The following KIAA1671 variants were observed in gnomAD, a reference collection of about 807,000 sequenced individuals.
The protein encoded by KIAA1671 is KIAA1671, also known as uncharacterized protein KIAA1671.
A neutral mutation model predicts 131.2 loss-of-function variants in KIAA1671; 52 were observed. That is an observed-to-expected ratio of 0.40 (90% CI 0.32 to 0.50). The LOEUF (loss-of-function observed/expected upper bound fraction) is 0.50. Ranked by LOEUF, KIAA1671 falls within the 20% of genes least tolerant of loss-of-function variation. KIAA1671 has a pLI of 0.73. For synonymous variants in KIAA1671, 1,003 were observed against 961.6 expected (o/e 1.04, Z -0.80); for missense variants, 2,360 against 2,364.2 (o/e 1.00, Z 0.04).
At chr22:25,041,942 C>T (rs2145808802) in intron 5 of KIAA1671, among the ~76,000 whole-genome samples, 1 of 152,076 alleles carries the variant, frequency 6.6e-6, no homozygotes, top group South Asian at 2.1e-4. Flanking sequence ...CAGGGTTTTG[C>T]CATGTTGCCC....
chr22:25,003,027 C>A lies in KIAA1671; in HGVS notation c.-207-22606C>A, dbSNP rs1924558091. On this transcript the variant is annotated intron_variant, in intron 1 of 12. Transcript: ENST00000358431. ...GCTCAAAGTGATCCATCCGCCTCGG[C>A]CTCCCAAAGTGCTGGGATTACAGGC... Among the ~76,000 whole-genome samples the A allele has an allele frequency of 2.0e-5, 3 of 152,186 alleles. No individual in the cohort carries two copies. In the South Asian group the frequency reaches 6.2e-4, roughly 32 times the overall value.
intron 6 of KIAA1671, among the ~76,000 whole-genome samples, chr22:25,130,257 A>G (rs2330985): frequency 0.68 from 103,541 of 152,054 alleles, 35,486 homozygotes; most frequent in South Asian, 0.73. Flanking sequence ...AAATGCACAT[A>G]CCCGTGTAAG....
At position 25,043,053 on chromosome 22, in the gene KIAA1671, C is replaced by G. The variant is rs374272856; in HGVS notation, c.4395+1528C>G. On this transcript the variant is annotated intron_variant, in intron 5 of 12. Coordinates refer to ENST00000358431, the MANE Select transcript of KIAA1671 (RefSeq NM_001145206.2). ...CCATGCACAGCAGAAGAAAGAAAAT[C>G]TGGCTTCCTTTGTTCAGTGAAGAAC... Among the ~76,000 whole-genome samples, 412 of 142,038 alleles carry G rather than the reference C, an allele frequency of 2.9e-3. 1 individual carries two copies. The highest frequency in any genetic ancestry group is 0.01 in the African/African-American group (392 of 37,602). 93.2% of individuals were successfully genotyped at this position (142,038 alleles called of 152,430 possible).
intron 6 of KIAA1671, among the ~76,000 whole-genome samples, chr22:25,169,531 CT>C (rs1933770177): frequency 6.6e-6 from 1 of 151,966 alleles, no homozygotes; most frequent in South Asian, 2.1e-4. Flanking sequence ...AAGGATTGGA[CT>C]TTTGGTTTTG....
chr22:25,120,035 GC>G (rs1168067645), intron 6 of KIAA1671, among the ~76,000 whole-genome samples: 2 of 152,212 alleles, frequency 1.3e-5, no homozygotes, highest in Non-Finnish European at 2.9e-5. Context: ...AACAACTCTA[GC>G]TACCACTTCT....
intron 11 of KIAA1671, among the ~76,000 whole-genome samples, chr22:25,187,444 C>T (rs765820539): frequency 6.6e-6 from 1 of 151,866 alleles, no homozygotes; most frequent in African/African-American, 2.4e-5. Context: ...AATGTTTTCC[C>T]GTGCCCATTT....
intron 1 of KIAA1671, among the ~76,000 whole-genome samples, chr22:24,993,277 C>G (rs946350836): frequency 1.3e-5 from 2 of 152,098 alleles, no homozygotes; most frequent in Non-Finnish European, 2.9e-5. Context: ...GAAGGTGATT[C>G]TGGGAGAGCC....
chr22:25,150,855 T>TG (rs1933012612), intron 6 of KIAA1671, among the ~76,000 whole-genome samples: 1 of 150,622 alleles, frequency 6.6e-6, no homozygotes, highest in Admixed American at 6.6e-5. Context: ...TTTTTTGAGA[T>TG]GGAGTCTCAC....
At chr22:25,165,701 G>A (rs1489671778) in intron 6 of KIAA1671, among the ~76,000 whole-genome samples, 3 of 152,210 alleles carry the variant, frequency 2.0e-5, no homozygotes, top group African/African-American at 4.8e-5. Flanking sequence ...TGGGAGCCTG[G>A]GGCCTCCTGA....
chr22:24,963,491 G>A (rs1044779564), intron 1 of KIAA1671, among the ~76,000 whole-genome samples: 8 of 151,994 alleles, frequency 5.3e-5, no homozygotes, highest in Admixed American at 5.2e-4. Flanking sequence ...AGCATCTGGG[G>A]TTGCTTCCTG....
intron 6 of KIAA1671, among the ~76,000 whole-genome samples, chr22:25,137,148 C>A (rs1932713717): frequency 6.6e-6 from 1 of 152,214 alleles, no homozygotes; most frequent in Non-Finnish European, 1.5e-5. Context: ...CTGAGATTAT[C>A]TAAGCTCACT....
chr22:25,078,866 A>G (rs2145860983), intron 6 of KIAA1671, among the ~76,000 whole-genome samples: 1 of 152,010 alleles, frequency 6.6e-6, no homozygotes, highest in African/African-American at 2.4e-5. Flanking sequence ...GCCTTTTTAG[A>G]CCCAGTCATG....
At chr22:25,004,631 C>G (rs1309143167) in intron 1 of KIAA1671, among the ~76,000 whole-genome samples, 1 of 152,124 alleles carries the variant, frequency 6.6e-6, no homozygotes, top group Non-Finnish European at 1.5e-5. Context: ...CCCTGAAACT[C>G]TTTGTAACTG....
intron 1 of KIAA1671, among the ~76,000 whole-genome samples, chr22:25,020,809 A>C (rs1477888194): frequency 2.6e-5 from 4 of 152,304 alleles, no homozygotes; most frequent in East Asian, 3.9e-4. Flanking sequence ...ATTGTGCTGA[A>C]GTACGTGAGT....
chr22:25,113,624 C>A (rs1429188745), intron 6 of KIAA1671, among the ~76,000 whole-genome samples: 2 of 152,202 alleles, frequency 1.3e-5, no homozygotes, highest in African/African-American at 4.8e-5. Context: ...GTGACTCACC[C>A]CAGGTCACGC....
chr22:24,969,202 C>T (rs749800638), intron 1 of KIAA1671, among the ~76,000 whole-genome samples: 10 of 152,144 alleles, frequency 6.6e-5, no homozygotes, highest in Non-Finnish European at 1.3e-4. Flanking sequence ...TGCCCGGCCT[C>T]GTTTTTGTTG....
rs1310111434 is a variant in KIAA1671 at position 25,093,833 on chromosome 22, TG to T, written c.4530+44470del. Among the ~76,000 whole-genome samples, 13 of 71,276 alleles carry T rather than the reference TG, an allele frequency of 1.8e-4. No individual in the cohort carries two copies. In the East Asian group the frequency reaches 2.8e-3, roughly 15 times the overall value. The allele number at this position is 71,276 out of a possible 152,430, so 46.8% of individuals were successfully genotyped here. On this transcript the variant is annotated intron_variant, in intron 6 of 12. Coordinates refer to ENST00000358431, the MANE Select transcript of KIAA1671 (RefSeq NM_001145206.2). ...CTCTGTCTCTCTCTCTTTCTCTCTC[TG>T]TCTGTCTCTCTCTCTCTCTCTCTCT... is the stretch of plus-strand genomic sequence containing the variant.
At chr22:25,037,412 G>A (rs5996819) in intron 4 of KIAA1671, among the ~76,000 whole-genome samples, 79,125 of 151,142 alleles carry the variant, frequency 0.52, 20,990 homozygotes, top group South Asian at 0.61. Flanking sequence ...ATATATGTGT[G>A]TATATATATG....
At chr22:25,128,174 G>T (rs1932270805) in intron 6 of KIAA1671, among the ~76,000 whole-genome samples, 1 of 152,204 alleles carries the variant, frequency 6.6e-6, no homozygotes, top group African/African-American at 2.4e-5. Context: ...TGCCTTGGGG[G>T]TCTGAGGAAG....
Sources: gnomAD v4.1 joint callset for allele counts (sites outside exome capture counted in the v4.1 genomes callset) on GRCh38, gnomAD v4.1.1 for gene constraint, MANE v1.5 for transcripts, NCBI Gene and HGNC (gene_info 2026-07-23, HGNC 2026-07-21) for gene names.